Variants in CAMTA1 observed in about 807,000 individuals in gnomAD.
The protein encoded by CAMTA1 is calmodulin binding transcription activator 1, also known as calmodulin-binding transcription activator 1.
CAMTA1 carries 27 observed loss-of-function variants against 170.9 expected under a neutral mutation model. That is an observed-to-expected ratio of 0.16 (90% CI 0.12 to 0.22). The LOEUF (loss-of-function observed/expected upper bound fraction) is 0.22. CAMTA1 is among the 10% of genes least tolerant of loss of function. CAMTA1 has a pLI of 1.00. For synonymous variants in CAMTA1, 833 were observed against 891.5 expected (o/e 0.93, Z 1.17); for missense variants, 1,619 against 2,217.2 (o/e 0.73, Z 5.42).
At chr1:7,607,409 G>T (rs1278428234) in intron 6 of CAMTA1, among the ~76,000 whole-genome samples, 1 of 151,530 alleles carries the variant, frequency 6.6e-6, no homozygotes, top group Non-Finnish European at 1.5e-5. Flanking sequence ...GTGGATGGAT[G>T]GATGGATGGA....
chr1:7,136,345 C>T (rs1218391916), intron 4 of CAMTA1, among the ~76,000 whole-genome samples: 1 of 152,212 alleles, frequency 6.6e-6, no homozygotes, highest in African/African-American at 2.4e-5. Context: ...ACCTGTTTGT[C>T]CTGGCTGCAA....
rs34960802 is a variant in CAMTA1, at chr1:6,905,188, C to CTTT, written c.234+79998_234+80000dup. Reference sequence around the variant, plus strand: ...ATTCCTGGGTCTCCTTGCCTTGTTCCTTTTTTTTTTTTTTTTTTTTTTGAG... The same window carrying CTTT: ...ATTCCTGGGTCTCCTTGCCTTGTTCCTTTTTTTTTTTTTTTTTTTTTTTTTGAG... On this transcript the variant is annotated intron_variant, in intron 3 of 22. Coordinates refer to ENST00000303635, the MANE Select transcript of CAMTA1 (RefSeq NM_015215.4). Among the ~76,000 whole-genome samples the CTTT allele has an allele frequency of 6.9e-3, 762 of 109,820 alleles. 11 individuals carry two copies. Among genetic ancestry groups the CTTT allele is most frequent in the East Asian group, 9.4e-3 (35 of 3,714 alleles). 72.0% of individuals were successfully genotyped at this position (109,820 alleles called of 152,430 possible).
chr1:7,177,442 C>G (rs1489720337), intron 4 of CAMTA1, among the ~76,000 whole-genome samples: 1 of 150,262 alleles, frequency 6.7e-6, no homozygotes, highest in East Asian at 2.0e-4. Flanking sequence ...AAGTCCCACT[C>G]ACACAGAGGC....
rs189842522 is a variant in CAMTA1, at chr1:7,235,395, C to T, written c.303-14096C>T. 8.1e-4 allele frequency among the ~76,000 whole-genome samples: 123 copies of T among 152,222 alleles called. 3 individuals carry two copies. In the South Asian group the frequency reaches 0.014, roughly 17 times the overall value. On this transcript the variant is annotated intron_variant, in intron 4 of 22. Coordinates refer to ENST00000303635, the MANE Select transcript of CAMTA1 (RefSeq NM_015215.4). The stretch of plus-strand genomic sequence containing the variant: ...AATCCAGCACTTTGAGAGGCTGAGG[C>T]GGGTGGATCATTTGAGGCCAGGAGT...
At chr1:7,027,886 T>C (rs1702229091) in intron 3 of CAMTA1, among the ~76,000 whole-genome samples, 1 of 151,826 alleles carries the variant, frequency 6.6e-6, no homozygotes, top group Non-Finnish European at 1.5e-5. Context: ...ACCAGAGATA[T>C]TATTTCTTTT....
intron 4 of CAMTA1, among the ~76,000 whole-genome samples, chr1:7,152,888 C>G (rs375720259): frequency 6.6e-6 from 1 of 152,198 alleles, no homozygotes; most frequent in Non-Finnish European, 1.5e-5. Flanking sequence ...CTGGCAAAAT[C>G]GATTTTGACA....
intron 5 of CAMTA1, among the ~76,000 whole-genome samples, chr1:7,329,723 A>G (rs565386992): frequency 6.6e-6 from 1 of 152,272 alleles, no homozygotes; most frequent in East Asian, 1.9e-4. Context: ...GCGATACCCC[A>G]TCTCTTCTAT....
intron 6 of CAMTA1, among the ~76,000 whole-genome samples, chr1:7,514,838 C>T (rs904743505): frequency 1.1e-4 from 16 of 152,194 alleles, no homozygotes; most frequent in African/African-American, 3.9e-4. Context: ...GCCCGCCCCC[C>T]ACCACCCCAT....
At chr1:6,816,634 T>C (rs899308708) in intron 1 of CAMTA1, among the ~76,000 whole-genome samples, 2 of 152,252 alleles carry the variant, frequency 1.3e-5, no homozygotes, top group Non-Finnish European at 2.9e-5. Context: ...ACTTGAAAGC[T>C]TGTGCTTTTC....
At position 7,533,283 on chromosome 1, in the gene CAMTA1, G is replaced by A. The variant is rs115994833; in HGVS notation, c.510+65382G>A. ...GCTCCACTGAGGTAGGGCACAGGCC[G>A]GCTGTGCCCTCTGCAGGCAGCTGAC... On this transcript the variant is annotated intron_variant, in intron 6 of 22. Coordinates refer to ENST00000303635, the MANE Select transcript of CAMTA1 (RefSeq NM_015215.4). Among the ~76,000 whole-genome samples, 1,012 of 152,318 alleles carry A rather than the reference G, an allele frequency of 6.6e-3. 19 individuals carry two copies. Among genetic ancestry groups the A allele is most frequent in the African/African-American group, 0.022 (931 of 41,578 alleles).
chr1:7,587,296 C>A (rs571802376), intron 6 of CAMTA1, among the ~76,000 whole-genome samples: 23 of 152,038 alleles, frequency 1.5e-4, no homozygotes, highest in African/African-American at 4.8e-4. Flanking sequence ...CAGACAGATA[C>A]CCCCACCCTA....
intron 4 of CAMTA1, among the ~76,000 whole-genome samples, chr1:7,197,628 C>CACACA (rs1655769696): frequency 9.1e-6 from 1 of 109,796 alleles, no homozygotes; most frequent in African/African-American, 3.1e-5. Flanking sequence ...TTGTCCCCCA[C>CACACA]CACACACACA....
chr1:6,858,486 T>TGGGG (rs70984029), intron 3 of CAMTA1, among the ~76,000 whole-genome samples: 35 of 90,104 alleles, frequency 3.9e-4, no homozygotes, highest in Admixed American at 9.0e-4. Flanking sequence ...GTGTGTGTGT[T>TGGGG]GGGGGGGGGG....
At chr1:7,756,960 TAA>T (rs2096935802) in intron 22 of CAMTA1, among the ~76,000 whole-genome samples, 1 of 152,200 alleles carries the variant, frequency 6.6e-6, no homozygotes, top group South Asian at 2.1e-4. Context: ...TATATAATCT[TAA>T]GAGAAAAAAT....
intron 5 of CAMTA1, among the ~76,000 whole-genome samples, chr1:7,398,185 CTCTCTCTCTA>C (rs1231052436): frequency 3.4e-4 from 16 of 46,544 alleles, no homozygotes; most frequent in Admixed American, 1.5e-3. Context: ...CTCTCTCTCT[CTCTCTCTCTA>C]TATATATATA....
At chr1:7,409,126 C>G (rs759522467) in intron 5 of CAMTA1, among the ~76,000 whole-genome samples, 1 of 152,214 alleles carries the variant, frequency 6.6e-6, no homozygotes, top group Non-Finnish European at 1.5e-5. Flanking sequence ...GGGCTCTGAC[C>G]TCCCAGCAGT....
chr1:7,468,336 G>A (rs997653104), intron 6 of CAMTA1, among the ~76,000 whole-genome samples: 1 of 152,208 alleles, frequency 6.6e-6, no homozygotes, highest in Non-Finnish European at 1.5e-5. Flanking sequence ...GGATTGATTG[G>A]GATAGCTGTG....
chr1:6,902,175 A>C lies in CAMTA1; in HGVS notation c.234+76965A>C, dbSNP rs574693196. Among the ~76,000 whole-genome samples, 17 of 152,332 alleles carry C rather than the reference A, an allele frequency of 1.1e-4. No individual in the cohort carries two copies. The East Asian group carries it at 3.3e-3, about 29-fold the overall frequency. On this transcript the variant is annotated intron_variant, in intron 3 of 22. Coordinates refer to ENST00000303635, the MANE Select transcript of CAMTA1 (RefSeq NM_015215.4). Reference sequence around the variant, plus strand: ...GACATTTTCTTATAAGTCTACACTTAAGAATCTTACAAATCTGCATTTACA... The same window carrying C: ...GACATTTTCTTATAAGTCTACACTTCAGAATCTTACAAATCTGCATTTACA...
chr1:7,072,422 C>G (rs532733373), intron 3 of CAMTA1, among the ~76,000 whole-genome samples: 1 of 152,226 alleles, frequency 6.6e-6, no homozygotes, highest in Non-Finnish European at 1.5e-5. Context: ...CTTGCTCATT[C>G]ATTCATTTAT....
Sources: allele counts gnomAD v4.1 joint callset (sites outside exome capture counted in the v4.1 genomes callset), GRCh38; gene constraint gnomAD v4.1.1; transcripts MANE v1.5; gene names NCBI Gene and HGNC (gene_info 2026-07-23, HGNC 2026-07-21).